Variants in CYP7B1 observed in about 807,000 individuals in gnomAD.
The protein encoded by CYP7B1 is cytochrome P450 family 7 subfamily B member 1.
CYP7B1 carries 29 observed loss-of-function variants against 42.7 expected under a neutral mutation model. That is an observed-to-expected ratio of 0.68 (90% CI 0.51 to 0.93). The LOEUF is 0.93. Ranked by LOEUF, CYP7B1 falls within the 40% of genes least tolerant of loss-of-function variation. The pLI is 0.00. For missense variants in CYP7B1, 655 were observed against 600.5 expected, an observed-to-expected ratio of 1.09 and a Z score of -0.95; for synonymous variants, 235 against 218.2, an observed-to-expected ratio of 1.08 and a Z score of -0.68.
At chr8:64,771,375 A>C (rs557193094) in intron 1 of CYP7B1, among the ~76,000 whole-genome samples, 1 of 152,186 alleles carries the variant, frequency 6.6e-6, no homozygotes, top group Non-Finnish European at 1.5e-5. Context: ...CTTTTTAAAA[A>C]TGTACATGCT....
chr8:64,779,805 T>C (rs1170336153), intron 1 of CYP7B1, among the ~76,000 whole-genome samples: 1 of 152,186 alleles, frequency 6.6e-6, no homozygotes, highest in Non-Finnish European at 1.5e-5. Context: ...TGTAATTCTA[T>C]GTGATTACCA....
At chr8:64,790,980 C>A (rs1479828737) in intron 1 of CYP7B1, among the ~76,000 whole-genome samples, 1 of 152,108 alleles carries the variant, frequency 6.6e-6, no homozygotes. Flanking sequence ...AGGGAGAATT[C>A]TGTGTGAAGA....
At chr8:64,668,671 T>C (rs1218163156) in intron 1 of CYP7B1, among the ~76,000 whole-genome samples, 1 of 151,158 alleles carries the variant, frequency 6.6e-6, no homozygotes, top group Non-Finnish European at 1.5e-5. Context: ...CTGTTTTGGT[T>C]TGTTTTTTTT....
chr8:64,708,856 C>T (rs1341143934), intron 1 of CYP7B1, among the ~76,000 whole-genome samples: 3 of 152,082 alleles, frequency 2.0e-5, no homozygotes. Context: ...TGTGTGTGTT[C>T]GTATAAGCAT....
chr8:64,620,646 G>A (rs754218634), intron 2 of CYP7B1, among the ~76,000 whole-genome samples: 35 of 152,178 alleles, frequency 2.3e-4, no homozygotes, highest in Admixed American at 1.6e-3. Flanking sequence ...TGAGACAAGA[G>A]CGGAAGACTT....
In CYP7B1 at chr8:64,615,856, T is replaced by A; in HGVS notation, c.685A>T (p.Asn229Tyr). Residue 229 changes from asparagine (N) to tyrosine (Y), a missense_variant, in exon 3 of 6, where the codon AAC becomes TAC. Coordinates refer to ENST00000310193, the MANE Select transcript of CYP7B1 (RefSeq NM_004820.5). The stretch of plus-strand genomic sequence containing the variant: ...TTTCCTAGAAGCTCAATGGGTATGT[T>A]GGATACTAAATATGCAAACTTGTCA... The part of the protein sequence containing the change: ...FDDKFAYLVS[N>Y]IPIELLGNVK... 6.2e-7 allele frequency: 1 copy of A among 1,613,788 alleles called. No individual in the cohort carries two copies. The highest frequency in any genetic ancestry group is 8.5e-7 in the Non-Finnish European group (1 of 1,179,774).
chr8:64,618,570 TTCTCTC>T (rs10530120), intron 2 of CYP7B1, among the ~76,000 whole-genome samples: 1 of 146,248 alleles, frequency 6.8e-6, no homozygotes, highest in African/African-American at 2.5e-5. Flanking sequence ...CACATTCATT[TTCTCTC>T]TCTCTCTCTC....
intron 1 of CYP7B1, among the ~76,000 whole-genome samples, chr8:64,692,663 G>A (rs1303057724): frequency 6.6e-6 from 1 of 152,036 alleles, no homozygotes; most frequent in Non-Finnish European, 1.5e-5. Flanking sequence ...AGCAGAAGAG[G>A]GAAAAGTCTC....
At chr8:64,646,035 T>C (rs1207876066) in intron 1 of CYP7B1, among the ~76,000 whole-genome samples, 1 of 152,160 alleles carries the variant, frequency 6.6e-6, no homozygotes. Flanking sequence ...TTACACCTTA[T>C]ACAAAAATTA....
At chr8:64,647,669 A>G (rs140224044) in intron 1 of CYP7B1, among the ~76,000 whole-genome samples, 191 of 152,222 alleles carry the variant, frequency 1.3e-3, no homozygotes, top group African/African-American at 4.5e-3. Flanking sequence ...GATGAAATGC[A>G]ATGTCCCAGC....
intron 1 of CYP7B1, among the ~76,000 whole-genome samples, chr8:64,755,567 C>T (rs1277927577): frequency 2.0e-5 from 3 of 151,930 alleles, no homozygotes; most frequent in Non-Finnish European, 2.9e-5. Context: ...TACAGGTGCC[C>T]GCCACCACAC....
intron 2 of CYP7B1, 144 bp from the exon 3 acceptor site, chr8:64,616,425 C>A: frequency 1.6e-6 from 1 of 643,306 alleles, no homozygotes; most frequent in South Asian, 1.9e-5. Context: ...CCATTTCATT[C>A]GAAGGTACAC....
chr8:64,683,650 C>T (rs1430997437), intron 1 of CYP7B1, among the ~76,000 whole-genome samples: 1 of 152,080 alleles, frequency 6.6e-6, no homozygotes, highest in Non-Finnish European at 1.5e-5. Flanking sequence ...GAGATGGATA[C>T]CCCATTTTCC....
intron 1 of CYP7B1, among the ~76,000 whole-genome samples, chr8:64,635,625 A>T (rs1234104271): frequency 6.6e-6 from 1 of 152,236 alleles, no homozygotes; most frequent in African/African-American, 2.4e-5. Context: ...AGCACTTTTA[A>T]TCAAAGCTTT....
chr8:64,611,712 G>A (rs761309168), intron 4 of CYP7B1, among the ~76,000 whole-genome samples: 19 of 152,058 alleles, frequency 1.2e-4, no homozygotes, highest in Non-Finnish European at 2.2e-4. Context: ...CTCAATTTGA[G>A]GATACGTCAC....
At chr8:64,721,495 G>T (rs1277732479) in intron 1 of CYP7B1, among the ~76,000 whole-genome samples, 1 of 151,982 alleles carries the variant, frequency 6.6e-6, no homozygotes, top group African/African-American at 2.4e-5. Context: ...AATCTCTCAG[G>T]GAAAACTAAA....
chr8:64,798,336 G>A, intron 1 of CYP7B1, 130 bp downstream of exon 1: 1 of 1,309,062 alleles, frequency 7.6e-7, no homozygotes, highest in Non-Finnish European at 9.8e-7. Context: ...CCCAAAGGAA[G>A]CCAGTACCCC....
intron 1 of CYP7B1, among the ~76,000 whole-genome samples, chr8:64,766,259 A>G (rs1482648586): frequency 6.6e-6 from 1 of 152,204 alleles, no homozygotes; most frequent in Non-Finnish European, 1.5e-5. Context: ...AACATAGGGA[A>G]AGGAAGAAAA....
chr8:64,600,886 G>A (rs1413895780), intron 5 of CYP7B1, among the ~76,000 whole-genome samples: 1 of 152,198 alleles, frequency 6.6e-6, no homozygotes, highest in Non-Finnish European at 1.5e-5. Context: ...AATCAGCTAT[G>A]TGACAGGGCT....
Sources: gnomAD v4.1 joint callset for allele counts (sites outside exome capture counted in the v4.1 genomes callset) on GRCh38, gnomAD v4.1.1 for gene constraint, MANE v1.5 for transcripts, NCBI Gene and HGNC (gene_info 2026-07-23, HGNC 2026-07-21) for gene names.